Variants in GAREM1 observed in about 807,000 individuals in gnomAD.
GAREM1 encodes GRB2 associated regulator of MAPK1 subtype 1, also known as GRB2-associated and regulator of MAPK protein 1.
Under a neutral mutation model 71.3 loss-of-function variants are expected in GAREM1, and 26 were observed. That is an observed-to-expected ratio of 0.36 (90% confidence interval 0.27 to 0.51). GAREM1 has a LOEUF of 0.51. Among genes scored for constraint, GAREM1 ranks in the 20% least tolerant of loss-of-function variants. The pLI is 0.95. For synonymous variants in GAREM1, 440 were observed against 433.2 expected (o/e 1.02, Z -0.20); for missense variants, 1,026 against 1,103.1 (o/e 0.93, Z 0.99).
At chr18:32,414,960 A>G (rs1164822760) in intron 1 of GAREM1, among the ~76,000 whole-genome samples, 1 of 152,112 alleles carries the variant, frequency 6.6e-6, no homozygotes. Context: ...ACAAACCTTT[A>G]GCAGACTAAG....
chr18:32,374,445 C>T (rs577093863), intron 2 of GAREM1, among the ~76,000 whole-genome samples: 1 of 152,332 alleles, frequency 6.6e-6, no homozygotes, highest in East Asian at 1.9e-4. Flanking sequence ...GAATGTTCTA[C>T]CTGTAGCTTA....
intron 2 of GAREM1, among the ~76,000 whole-genome samples, chr18:32,365,401 A>C (rs1337905534): frequency 1.3e-5 from 2 of 152,212 alleles, no homozygotes; most frequent in Admixed American, 1.3e-4. Context: ...AACTGAAGAG[A>C]TTATTTTGAT....
intron 2 of GAREM1, among the ~76,000 whole-genome samples, chr18:32,333,149 T>C (rs1387658079): frequency 2.0e-5 from 3 of 146,686 alleles, no homozygotes; most frequent in Non-Finnish European, 3.0e-5. Context: ...TCTGTGGAGA[T>C]GATGAGAGGG....
chr18:32,308,216 C>CCAGCCTGGGTGACAGAGCAAGACTCAG (rs2047276372), intron 3 of GAREM1, among the ~76,000 whole-genome samples: 1 of 133,490 alleles, frequency 7.5e-6, no homozygotes. Flanking sequence ...AAATGATATT[C>CCAGCCTGGGTGACAGAGCAAGACTCAG]TCTATTAAAC....
intron 2 of GAREM1, among the ~76,000 whole-genome samples, chr18:32,330,890 T>A (rs1312223154): frequency 6.6e-6 from 1 of 152,178 alleles, no homozygotes. Flanking sequence ...AAGCACTGCA[T>A]TTGATAAAAA....
chr18:32,305,546 G>C (rs1186543623), intron 3 of GAREM1, among the ~76,000 whole-genome samples: 3 of 152,126 alleles, frequency 2.0e-5, no homozygotes, highest in Non-Finnish European at 4.4e-5. Flanking sequence ...TTGAGATGGA[G>C]TCTCATTCTG....
At chr18:32,436,076 T>G (rs11081765) in intron 1 of GAREM1, among the ~76,000 whole-genome samples, 33,007 of 152,036 alleles carry the variant, frequency 0.22, 4,232 homozygotes, top group East Asian at 0.39. Flanking sequence ...CTAGCAGGAA[T>G]AATAAAATAT....
intron 1 of GAREM1, among the ~76,000 whole-genome samples, chr18:32,454,091 G>A (rs978039081): frequency 6.6e-6 from 1 of 152,088 alleles, no homozygotes; most frequent in African/African-American, 2.4e-5. Flanking sequence ...GTTGTTAAAT[G>A]AGTAAGCTAA....
chr18:32,288,309 G>A (rs1035515124), intron 3 of GAREM1, 106 bp from the exon 4 acceptor site: 4 of 851,940 alleles, frequency 4.7e-6, no homozygotes, highest in East Asian at 2.7e-5. Flanking sequence ...AAAATGCTGC[G>A]CTTTTCTTTA....
intron 4 of GAREM1, among the ~76,000 whole-genome samples, chr18:32,272,262 T>C (rs1215973110): frequency 2.0e-5 from 3 of 152,242 alleles, no homozygotes; most frequent in East Asian, 1.9e-4. Context: ...CTCATGGCTA[T>C]GGGTAGCCCA....
In GAREM1 at chr18:32,268,369, A is replaced by G. The variant is rs762712600; in HGVS notation, c.2133T>C (p.Leu711=). Residue 711 remains leucine, a synonymous_variant, in exon 6 of 6, where the codon CTT becomes CTC. Transcript: ENST00000269209. ...YSLESTDVKS[L]AAGVTKQSTS... ...TACTCTGCTTTGTCACACCAGCTGCAAGAGATTTCACATCTGTGCTCTCCA... is the reference window on the plus strand; with the variant it reads ...TACTCTGCTTTGTCACACCAGCTGCGAGAGATTTCACATCTGTGCTCTCCA... 6.2e-7 allele frequency: 1 copy of G among 1,614,160 alleles called. No homozygotes were observed. The highest frequency in any genetic ancestry group is 8.5e-7 in the Non-Finnish European group (1 of 1,180,020).
chr18:32,369,627 G>T (rs2047958027), intron 2 of GAREM1, among the ~76,000 whole-genome samples: 1 of 152,118 alleles, frequency 6.6e-6, no homozygotes, highest in South Asian at 2.1e-4. Context: ...TACTTTTGTT[G>T]AAAACATCAA....
At chr18:32,433,553 G>A (rs2048645072) in intron 1 of GAREM1, among the ~76,000 whole-genome samples, 1 of 151,702 alleles carries the variant, frequency 6.6e-6, no homozygotes, top group South Asian at 2.1e-4. Flanking sequence ...TATCTACACA[G>A]AAAATCCTTT....
chr18:32,381,520 T>C (rs1331225653), intron 2 of GAREM1, among the ~76,000 whole-genome samples: 1 of 152,192 alleles, frequency 6.6e-6, no homozygotes, highest in Non-Finnish European at 1.5e-5. Flanking sequence ...CTTACCTAAG[T>C]ATCGTTTTTT....
intron 4 of GAREM1, among the ~76,000 whole-genome samples, chr18:32,272,691 T>C (rs1255137946): frequency 6.6e-6 from 1 of 152,128 alleles, no homozygotes; most frequent in African/African-American, 2.4e-5. Flanking sequence ...TGGCATGATC[T>C]TGGCTCATTG....
chr18:32,385,966 G>C (rs1457110067), intron 2 of GAREM1, among the ~76,000 whole-genome samples: 1 of 152,120 alleles, frequency 6.6e-6, no homozygotes, highest in Admixed American at 6.5e-5. Flanking sequence ...ATAAATTTTA[G>C]TTATTGTTAA....
intron 1 of GAREM1, among the ~76,000 whole-genome samples, chr18:32,445,776 T>C (rs956923515): frequency 2.6e-5 from 4 of 152,142 alleles, no homozygotes; most frequent in East Asian, 1.9e-4. Flanking sequence ...AGAATCACTA[T>C]AGTAAGTCAT....
At position 32,268,481 on chromosome 18, in the gene GAREM1, C is replaced by T. The variant is rs1460139993; in HGVS notation, c.2021G>A (p.Cys674Tyr). The change falls in exon 6 of 6, where the codon TGT (cysteine) becomes TAT (tyrosine). Residue 674 changes from cysteine to tyrosine, a missense_variant. Physicochemically the swap from Cys to Tyr is radical, Grantham distance 194. This residue lies in a region of GAREM1 where 636 missense variants were observed against 631.2 expected (regional missense o/e 1.01). Transcript: ENST00000269209. ...GCTAGTGGGGCTGGCCAGGAGCTCA[C>T]AGCCATCAAAATCAAAAGGTGCTGG... The part of the protein sequence containing the change: ...NCPAPFDFDG[C>Y]ELLASPTSPV... The T allele has an allele frequency of 1.9e-6, 3 of 1,614,188 alleles. No homozygotes were observed. Among genetic ancestry groups the T allele is most frequent in the Non-Finnish European group, 1.7e-6 (2 of 1,180,026 alleles).
chr18:32,464,054 A>T (rs2048976904), intron 1 of GAREM1, among the ~76,000 whole-genome samples: 1 of 151,264 alleles, frequency 6.6e-6, no homozygotes, highest in South Asian at 2.1e-4. Context: ...TTGAGAGGCC[A>T]AGGCAGGCAG....
Sources: gnomAD v4.1 joint callset for allele counts (sites outside exome capture counted in the v4.1 genomes callset) on GRCh38, gnomAD v4.1.1 for gene constraint, gnomAD v4.1.1 regional missense constraint, MANE v1.5 for transcripts, NCBI Gene and HGNC (gene_info 2026-07-23, HGNC 2026-07-21) for gene names.